ANGPTL1: variants seen among roughly 807,000 people sequenced by gnomAD.
The protein encoded by ANGPTL1 is angiopoietin-related protein 1.
In ANGPTL1, 36 loss-of-function variants were observed where a neutral mutation model predicts 46.7. The observed-to-expected ratio is 0.77, with a 90% CI of 0.59 to 1.02. The LOEUF is 1.02. Ranked by LOEUF, ANGPTL1 falls within the 50% of genes least tolerant of loss-of-function variation. ANGPTL1 has a pLI of 0.00. For synonymous variants in ANGPTL1, 221 were observed against 204.3 expected, an observed-to-expected ratio of 1.08 and a Z score of -0.69; for missense variants, 571 against 594.7, an observed-to-expected ratio of 0.96 and a Z score of 0.41.
Position 178,854,028 on chromosome 1 carries a change from T to C in ANGPTL1, c.824-241A>G, listed in dbSNP as rs578146675. Among the ~76,000 whole-genome samples, 4 of 152,242 alleles carry C rather than the reference T, an allele frequency of 2.6e-5. No homozygotes were observed. The East Asian group carries it at 7.7e-4, about 29-fold the overall frequency. On this transcript the variant is annotated intron_variant, in intron 3 of 5. Coordinates refer to ENST00000234816, the MANE Select transcript of ANGPTL1 (RefSeq NM_004673.4). ...ATATGTATTTTTTATATTGTTATAA[T>C]CCTAATACATGTAGAAAATTGGATT...
rs1056632033 is a variant in ANGPTL1, at chr1:178,850,568, G to A, written c.*561C>T. Reference sequence around the variant, plus strand: ...TATGGGTCATGTTTTGGGAAAATCAGCATAGGATATATTATTAAGAATTCA... The same window carrying A: ...TATGGGTCATGTTTTGGGAAAATCAACATAGGATATATTATTAAGAATTCA... On this transcript the variant is annotated 3_prime_UTR_variant, in exon 6 of 6. Transcript: ENST00000234816. 1.3e-5 allele frequency: 2 copies of A among 151,948 alleles called. No individual in the cohort carries two copies. The highest frequency in any genetic ancestry group is 4.8e-5 in the African/African-American group (2 of 41,384). 9.4% of individuals were successfully genotyped at this position (151,948 alleles called of 1,614,324 possible).
chr1:178,855,443 C>T (rs1441203032), intron 3 of ANGPTL1, among the ~76,000 whole-genome samples: 1 of 151,682 alleles, frequency 6.6e-6, no homozygotes, highest in African/African-American at 2.4e-5. Context: ...TTTCTCTAGT[C>T]CAAATGTTTA....
intron 4 of ANGPTL1, 65 bp from the exon 5 acceptor site, chr1:178,853,018 G>A (rs372846517): frequency 3.3e-6 from 5 of 1,532,932 alleles, no homozygotes; most frequent in Non-Finnish European, 4.4e-6. Flanking sequence ...TTTTTACAGA[G>A]CAGTGTTAAA....
Position 178,865,669 on chromosome 1 carries a change from G to A in ANGPTL1, c.108C>T (p.Tyr36=). Residue 36 remains tyrosine (Y), a synonymous_variant, in exon 3 of 6, where the codon TAC becomes TAT. Coordinates refer to ENST00000234816, the MANE Select transcript of ANGPTL1 (RefSeq NM_004673.4). ...FKIKKINQRR[Y]PRATDGKEEA... ...CCTCTTTACCATCTGTGGCACGAGGGTATCTTCTCTGGTTTATTTTTTTAA... is the reference window on the plus strand; with the variant it reads ...CCTCTTTACCATCTGTGGCACGAGGATATCTTCTCTGGTTTATTTTTTTAA... 6.2e-7 allele frequency: 1 copy of A among 1,613,944 alleles called. No individual in the cohort carries two copies. The highest frequency in any genetic ancestry group is 8.5e-7 in the Non-Finnish European group (1 of 1,179,932).
rs1657138893 is a variant in ANGPTL1 at position 178,851,029 on chromosome 1, T to C, written c.*100A>G. 5.3e-6 allele frequency: 6 copies of C among 1,142,250 alleles called. No homozygotes were observed. The highest frequency in any genetic ancestry group is 7.1e-6 in the Non-Finnish European group (6 of 842,272). 70.8% of individuals were successfully genotyped at this position (1,142,250 alleles called of 1,614,324 possible). A position where few individuals can be genotyped will look rare whatever the true frequency, so the allele number is the denominator to read the frequency against. ...AAATTCATTTTAAAAACTTTCTGTG[T>C]AGAAATAAATTGTGCCAAGTAATAT... On this transcript the variant is annotated 3_prime_UTR_variant, in exon 6 of 6. Transcript: ENST00000234816.
At position 178,871,051 on chromosome 1, in the gene ANGPTL1, G is replaced by A. The variant is rs1400115489; in HGVS notation, c.-447C>T. 1.3e-5 allele frequency: 2 copies of A among 152,152 alleles called. No homozygotes were observed. Among genetic ancestry groups the A allele is most frequent in the Admixed American group, 6.6e-5 (1 of 15,246 alleles). 9.4% of individuals were successfully genotyped at this position (152,152 alleles called of 1,614,324 possible). A position where few individuals can be genotyped will look rare whatever the true frequency, so the allele number is the denominator to read the frequency against. On this transcript the variant is annotated 5_prime_UTR_variant, in exon 1 of 6. Coordinates refer to ENST00000234816, the MANE Select transcript of ANGPTL1 (RefSeq NM_004673.4). Reference sequence around the variant, plus strand: ...ACATGGAGAAATGCAGTAACCAGCTGCAGCTGACCCAGATTGTATATACAG... The same window carrying A: ...ACATGGAGAAATGCAGTAACCAGCTACAGCTGACCCAGATTGTATATACAG...
In ANGPTL1 at chr1:178,865,575, T is replaced by C; in HGVS notation, c.202A>G (p.Thr68Ala). The C allele has an allele frequency of 1.2e-6, 2 of 1,614,080 alleles. No homozygotes were observed. The highest frequency in any genetic ancestry group is 1.1e-5 in the South Asian group (1 of 91,078). The change falls in exon 3 of 6, where the codon ACC becomes GCC. Residue 68 changes from threonine (T) to alanine (A), a missense_variant. Coordinates refer to ENST00000234816, the MANE Select transcript of ANGPTL1 (RefSeq NM_004673.4). ...ATGGTACTTGCATCTTGCCCCTTGG[T>C]GTTGACACAGATTGGCCCTGTTATT... is the stretch of plus-strand genomic sequence containing the variant. ...QRITGPICVN[T>A]KGQDASTIKD...
rs575760192 is a variant in ANGPTL1, at chr1:178,859,428, G to A, written c.823+5526C>T. Among the ~76,000 whole-genome samples, 938 of 128,678 alleles carry A rather than the reference G, an allele frequency of 7.3e-3. 4 individuals are homozygous for A. The highest frequency in any genetic ancestry group is 0.011 in the Admixed American group (136 of 11,972). 84.4% of individuals were successfully genotyped at this position (128,678 alleles called of 152,430 possible). A position where few individuals can be genotyped will look rare whatever the true frequency, so the allele number is the denominator to read the frequency against. On this transcript the variant is annotated intron_variant, in intron 3 of 5. Transcript: ENST00000234816. Reference sequence around the variant, plus strand: ...TTTTTTTTTTTTTTTTTTTTGAGACGGAGTCTCGCTCTGTCGCCAGGCTGG... The same window carrying A: ...TTTTTTTTTTTTTTTTTTTTGAGACAGAGTCTCGCTCTGTCGCCAGGCTGG...
intron 3 of ANGPTL1, among the ~76,000 whole-genome samples, chr1:178,855,057 A>C (rs1657436100): frequency 6.6e-6 from 1 of 152,128 alleles, no homozygotes; most frequent in Non-Finnish European, 1.5e-5. Flanking sequence ...TTTTACTAGA[A>C]ATATGTGAGA....
At chr1:178,863,137 G>C (rs1047786403) in intron 3 of ANGPTL1, among the ~76,000 whole-genome samples, 25 of 152,182 alleles carry the variant, frequency 1.6e-4, no homozygotes, top group Non-Finnish European at 3.2e-4. Context: ...AGCTGCTGCT[G>C]TGGATCATTT....
In ANGPTL1 at chr1:178,870,754, T is replaced by G. The variant is rs1312936501; in HGVS notation, c.-150A>C. ...AATATTAAATACCTTTTTGTGTCTG[T>G]TGATTCAGTGAATCCAGAAACTTGC... On this transcript the variant is annotated 5_prime_UTR_variant, in exon 1 of 6. Coordinates refer to ENST00000234816, the MANE Select transcript of ANGPTL1 (RefSeq NM_004673.4). The G allele has an allele frequency of 6.6e-6, 1 of 152,218 alleles. No homozygotes were observed. The highest frequency in any genetic ancestry group is 1.5e-5 in the Non-Finnish European group (1 of 68,038). The allele number at this position is 152,218 out of a possible 1,614,324, so 9.4% of individuals were successfully genotyped here.
chr1:178,866,419 A>G (rs1469455221), intron 2 of ANGPTL1, among the ~76,000 whole-genome samples: 2 of 152,156 alleles, frequency 1.3e-5, no homozygotes, highest in Non-Finnish European at 2.9e-5. Context: ...TTTTTATAGC[A>G]TCTCCTTTTG....
intron 3 of ANGPTL1, among the ~76,000 whole-genome samples, chr1:178,862,194 A>G (rs1017159890): frequency 1.3e-5 from 2 of 152,004 alleles, no homozygotes; most frequent in African/African-American, 2.4e-5. Flanking sequence ...AATGATAATC[A>G]TTTACTTAAT....
At chr1:178,859,793 G>T (rs1290475580) in intron 3 of ANGPTL1, among the ~76,000 whole-genome samples, 1 of 113,894 alleles carries the variant, frequency 8.8e-6, no homozygotes, top group Admixed American at 9.3e-5. Flanking sequence ...TGCCTCCCGG[G>T]TTCATGCCAT....
intron 3 of ANGPTL1, among the ~76,000 whole-genome samples, chr1:178,861,175 T>C (rs1336298174): frequency 6.6e-6 from 1 of 152,252 alleles, no homozygotes; most frequent in East Asian, 1.9e-4. Flanking sequence ...TATATGTTCA[T>C]TAATGTACTA....
rs1484108360 is a variant in ANGPTL1, at chr1:178,851,330, A to C, written c.1289-14T>G. On this transcript the variant is annotated splice_polypyrimidine_tract_variant and intron_variant, in intron 5 of 5. Transcript: ENST00000234816. ...GGGCGCAGTTTCCTTTGAGGAAAAA[A>C]TACAGATATAAATGTAAAAGTTTCT... 1.1e-5 allele frequency: 17 copies of C among 1,599,096 alleles called. No individual in the cohort carries two copies. Among genetic ancestry groups the C allele is most frequent in the Non-Finnish European group, 1.4e-5 (17 of 1,173,914 alleles).
At position 178,865,150 on chromosome 1, in the gene ANGPTL1, G is replaced by A. The variant is rs753679400; in HGVS notation, c.627C>T (p.Thr209=). Reference sequence around the variant, plus strand: ...CCTGGACAAGTGGGGGAGACACATGGGTGTCTTGTCGGGAAAATATCCTCA... The same window carrying A: ...CCTGGACAAGTGGGGGAGACACATGAGTGTCTTGTCGGGAAAATATCCTCA... The part of the protein sequence containing the change: ...QCLRIFSRQD[T]HVSPPLVQVV... The change falls in exon 3 of 6, where the codon ACC becomes ACT. Residue 209 remains threonine, a synonymous_variant. Coordinates refer to ENST00000234816, the MANE Select transcript of ANGPTL1 (RefSeq NM_004673.4). 16 of 1,603,004 alleles carry A rather than the reference G, an allele frequency of 1.0e-5. No homozygotes were observed. Among genetic ancestry groups the A allele is most frequent in the East Asian group, 6.7e-5 (3 of 44,684 alleles).
rs1272769841 is a variant in ANGPTL1 at position 178,865,800 on chromosome 1, T to A, written c.-24A>T. On this transcript the variant is annotated splice_region_variant and 5_prime_UTR_variant, in exon 3 of 6. Coordinates refer to ENST00000234816, the MANE Select transcript of ANGPTL1 (RefSeq NM_004673.4). ...ATTTTGAAATGAGGTTGTAAAATGATGTCTTTTGAAAAACAAATCAGTGAA... is the reference window on the plus strand; with the variant it reads ...ATTTTGAAATGAGGTTGTAAAATGAAGTCTTTTGAAAAACAAATCAGTGAA... 9.2e-6 allele frequency: 14 copies of A among 1,522,404 alleles called. No individual in the cohort carries two copies. The highest frequency in any genetic ancestry group is 1.2e-5 in the Non-Finnish European group (14 of 1,134,470). The allele number at this position is 1,522,404 out of a possible 1,614,324, so 94.3% of individuals were successfully genotyped here.
At chr1:178,861,698 A>G (rs1186684274) in intron 3 of ANGPTL1, among the ~76,000 whole-genome samples, 1 of 152,202 alleles carries the variant, frequency 6.6e-6, no homozygotes, top group Non-Finnish European at 1.5e-5. Flanking sequence ...AATTATGTTT[A>G]TTTATAACTT....
Sources: allele counts gnomAD v4.1 joint callset (sites outside exome capture counted in the v4.1 genomes callset), GRCh38; gene constraint gnomAD v4.1.1; transcripts MANE v1.5; gene names NCBI Gene and HGNC (gene_info 2026-07-23, HGNC 2026-07-21).